Variants in MCM3AP observed in about 807,000 individuals in gnomAD.
MCM3AP encodes the protein germinal-center associated nuclear protein.
Under a neutral mutation model 184.1 loss-of-function variants are expected in MCM3AP, and 126 were observed. The observed-to-expected ratio is 0.68, with a 90% CI of 0.59 to 0.79. MCM3AP has a LOEUF of 0.79. Among genes scored for constraint, MCM3AP ranks in the 30% least tolerant of loss-of-function variants. MCM3AP has a pLI of 0.00. For synonymous variants in MCM3AP, 1,002 were observed against 979.3 expected (o/e 1.02, Z -0.43); for missense variants, 2,496 against 2,479.2 (o/e 1.01, Z -0.14).
chr21:46,269,669 C>CT (rs2081156519), intron 9 of MCM3AP, among the ~76,000 whole-genome samples: 1 of 152,218 alleles, frequency 6.6e-6, no homozygotes, highest in Admixed American at 6.5e-5. Flanking sequence ...GCTGTGGCCA[C>CT]TACGGGCTTG....
At chr21:46,254,220 A>G (rs1601507799) in intron 19 of MCM3AP, 172 bp downstream of exon 19, 7 of 684,048 alleles carry the variant, frequency 1.0e-5, no homozygotes, top group Admixed American at 8.8e-5. Context: ...AATCAAATCT[A>G]AAGTTTCAAC....
intron 6 of MCM3AP, among the ~76,000 whole-genome samples, chr21:46,274,938 CAAA>C (rs35282554): frequency 7.0e-4 from 68 of 96,994 alleles, no homozygotes; most frequent in Middle Eastern, 6.1e-3. Flanking sequence ...GACCCTGTCT[CAAA>C]AAAAAAAAAA....
chr21:46,277,442 A>G (rs1346169840), intron 5 of MCM3AP, 85 bp downstream of exon 5: 5 of 1,059,968 alleles, frequency 4.7e-6, no homozygotes, highest in South Asian at 3.7e-5. Flanking sequence ...ATAGAGCCCA[A>G]TGGAAAGGAG....
Position 46,251,270 on chromosome 21 carries a change from AT to A in MCM3AP, c.4290+258del, listed in dbSNP as rs376959342. 4.2e-3 allele frequency: 1,260 copies of A among 301,646 alleles called. 14 individuals carry two copies. The highest frequency in any genetic ancestry group is 0.025 in the African/African-American group (1,193 of 46,938). 18.7% of individuals were successfully genotyped at this position (301,646 alleles called of 1,614,324 possible). On this transcript the variant is annotated intron_variant, in intron 20 of 27. Coordinates refer to ENST00000291688, the MANE Select transcript of MCM3AP (RefSeq NM_003906.5). The stretch of plus-strand genomic sequence containing the variant: ...TTTAAAAGTTTTGTGTACATATTAC[AT>A]TTAGGAAATCCAATATATAGTATTA...
intron 7 of MCM3AP, among the ~76,000 whole-genome samples, chr21:46,273,090 T>C (rs972443101): frequency 6.6e-6 from 1 of 152,064 alleles, no homozygotes; most frequent in Admixed American, 6.5e-5. Flanking sequence ...CAATTCTGCT[T>C]CAGCCGCTCG....
At position 46,272,764 on chromosome 21, in the gene MCM3AP, A is replaced by C. The variant is rs1601535144; in HGVS notation, c.2262T>G (p.Phe754Leu). The change falls in exon 8 of 28, where the codon TTT (phenylalanine) becomes TTG (leucine). Residue 754 changes from phenylalanine (F) to leucine (L), a missense_variant. Coordinates refer to ENST00000291688, the MANE Select transcript of MCM3AP (RefSeq NM_003906.5). ...TVSLIEKCTR[F>L]HIHCAHFMCE... ...ACATGAAGTGGGCACAGTGGATGTG[A>C]AACCGGGTGCACTTCTCAATCAGGG... 6.2e-7 allele frequency: 1 copy of C among 1,613,798 alleles called. No individual in the cohort carries two copies. The highest frequency in any genetic ancestry group is 2.2e-5 in the East Asian group (1 of 44,870).
At chr21:46,254,640 G>T in intron 18 of MCM3AP, 114 bp from the exon 19 acceptor site, 1 of 1,456,278 alleles carries the variant, frequency 6.9e-7, no homozygotes, top group South Asian at 1.2e-5. Flanking sequence ...TTCAGAGATT[G>T]AACTGCAAAC....
At position 46,254,458 on chromosome 21, in the gene MCM3AP, T is replaced by C. The variant is rs1448642915; in HGVS notation, c.4070A>G (p.His1357Arg). ...VAEHLPGRQE[H>R]VFWKLVLVLP... The stretch of plus-strand genomic sequence containing the variant: ...CACCAGCACCAGCTTCCAAAACACA[T>C]GCTCCTGCCTCCCAGGGAGGTGCTC... Residue 1357 changes from histidine (H) to arginine (R), a missense_variant, in exon 19 of 28, where the codon CAT becomes CGT. Around this residue, in one of 5 missense-constraint regions of MCM3AP, gnomAD observed 1,323 missense variants for 1,273.4 expected, o/e 1.04. Coordinates refer to ENST00000291688, the MANE Select transcript of MCM3AP (RefSeq NM_003906.5). 6.2e-7 allele frequency: 1 copy of C among 1,614,138 alleles called. No individual in the cohort carries two copies. Among genetic ancestry groups the C allele is most frequent in the East Asian group, 2.2e-5 (1 of 44,868 alleles).
intron 27 of MCM3AP, 22 bp from the exon 28 acceptor site, chr21:46,235,448 TG>T (rs1569045538): frequency 6.2e-7 from 1 of 1,611,340 alleles, no homozygotes; most frequent in Non-Finnish European, 8.5e-7. Flanking sequence ...AAAAAGAAAC[TG>T]AACAGTTTTG....
At position 46,284,171 on chromosome 21, in the gene MCM3AP, A is replaced by T; in HGVS notation, c.1116T>A (p.Ser372Arg). 6.2e-7 allele frequency: 1 copy of T among 1,614,242 alleles called. No homozygotes were observed. Among genetic ancestry groups the T allele is most frequent in the Non-Finnish European group, 8.5e-7 (1 of 1,180,046 alleles). The change falls in exon 1 of 28, where the codon AGT becomes AGA. Residue 372 changes from serine (S) to arginine (R), a missense_variant. By Grantham distance (110) the Ser-to-Arg change is moderately radical (BLOSUM62 -1). Transcript: ENST00000291688. ...KETGFVESAE[S>R]DHMAIPGGNQ... ...TCCCTCCTGGGATAGCCATGTGGTC[A>T]CTTTCTGCAGACTCAACAAAGCCAG...
At chr21:46,283,470 C>T in intron 2 of MCM3AP, 145 bp downstream of exon 2, 1 of 610,642 alleles carries the variant, frequency 1.6e-6, no homozygotes, top group East Asian at 2.8e-5. Context: ...ATAAATAGTG[C>T]TATCCCAGCC....
At position 46,272,801 on chromosome 21, in the gene MCM3AP, G is replaced by A. The variant is rs755968609; in HGVS notation, c.2225C>T (p.Pro742Leu). 6.9e-6 allele frequency: 11 copies of A among 1,604,606 alleles called. No individual in the cohort carries two copies. Among genetic ancestry groups the A allele is most frequent in the Non-Finnish European group, 9.4e-6 (11 of 1,174,220 alleles). The part of the protein sequence containing the change: ...KDITQQHLCD[P>L]LTVSLIEKCT... ...CTTCTCAATCAGGGACACCGTCAGG[G>A]GGTCACAGAGGTGCTGCTGCGTGAT... Residue 742 changes from proline (P) to leucine (L), a missense_variant, in exon 8 of 28, where the codon CCC (proline) becomes CTC (leucine). This residue lies in a region of MCM3AP where 105 missense variants were observed against 97.1 expected (regional missense o/e 1.08). Transcript: ENST00000291688.
At chr21:46,235,505 G>T in intron 27 of MCM3AP, 79 bp from the exon 28 acceptor site, 1 of 1,251,336 alleles carries the variant, frequency 8.0e-7, no homozygotes. Context: ...TACTAGATCT[G>T]GATCATGTTA....
chr21:46,250,934 T>A (rs2080858482), intron 20 of MCM3AP: 1 of 152,264 alleles, frequency 6.6e-6, no homozygotes, highest in African/African-American at 2.4e-5. Context: ...TGTAAGTGTG[T>A]GATCTGGAAA....
At chr21:46,251,867 G>A (rs1424909064) in intron 19 of MCM3AP, 185 bp from the exon 20 acceptor site, 8 of 390,426 alleles carry the variant, frequency 2.0e-5, no homozygotes, top group Non-Finnish European at 2.8e-5. Context: ...ATGGAGCAAC[G>A]ATCTGTACTC....
rs1319966975 is a variant in MCM3AP, at chr21:46,284,477, G to A, written c.810C>T (p.Val270=). ...AAACAGCTTCTTCACACCCCTGCCT[G>A]ACACCTGCTTTGCTAGCCTGGAAAG... The part of the protein sequence containing the change: ...GEPFQASKAG[V]RQGCEEAVSQ... The change falls in exon 1 of 28, where the codon GTC becomes GTT. Residue 270 remains valine, a synonymous_variant. Coordinates refer to ENST00000291688, the MANE Select transcript of MCM3AP (RefSeq NM_003906.5). The A allele has an allele frequency of 1.9e-6, 3 of 1,614,046 alleles. No homozygotes were observed. The highest frequency in any genetic ancestry group is 8.5e-7 in the Non-Finnish European group (1 of 1,180,048).
At chr21:46,258,408 T>C (rs922515608) in intron 16 of MCM3AP, among the ~76,000 whole-genome samples, 4 of 152,204 alleles carry the variant, frequency 2.6e-5, no homozygotes, top group Non-Finnish European at 5.9e-5. Context: ...AGGCACCACC[T>C]CCCATTCCCA....
In MCM3AP at chr21:46,254,786, G is replaced by A; in HGVS notation, c.3991C>T (p.Gln1331Ter). Residue 1331 changes from glutamine (Q) to a stop codon, truncating the protein, a stop_gained, in exon 18 of 28, where the codon CAG becomes TAG. Transcript: ENST00000291688. LOFTEE classifies it high-confidence loss of function. Reference protein sequence around the residue: ...HQMKVQHFYQQLLSDVAWASL... With the variant: ...HQMKVQHFYQ ...TGCAGCATGACAGACCTCAGCAGCT[G>A]CTGGTAGAAGTGCTGAACCTTCATC... 1 of 1,613,904 alleles carries A rather than the reference G, an allele frequency of 6.2e-7. No homozygotes were observed. Among genetic ancestry groups the A allele is most frequent in the South Asian group, 1.1e-5 (1 of 91,080 alleles).
chr21:46,243,314 A>G, intron 24 of MCM3AP, 151 bp downstream of exon 24: 1 of 953,120 alleles, frequency 1.0e-6, no homozygotes, highest in Non-Finnish European at 1.6e-6. Flanking sequence ...CAATGTTTTT[A>G]AGTCACTCAC....
Sources: gnomAD v4.1 joint callset for allele counts (sites outside exome capture counted in the v4.1 genomes callset) on GRCh38, gnomAD v4.1.1 for gene constraint, gnomAD v4.1.1 regional missense constraint, MANE v1.5 for transcripts, NCBI Gene and HGNC (gene_info 2026-07-23, HGNC 2026-07-21) for gene names.